Variants in ARHGAP15 observed in about 807,000 individuals in gnomAD.
ARHGAP15 encodes Rho GTPase activating protein 15.
ARHGAP15 carries 51 observed loss-of-function variants against 63.7 expected under a neutral mutation model. The ratio of observed to expected loss-of-function variants is 0.80; its 90% CI spans 0.64 to 1.01. The LOEUF is 1.01. Ranked by LOEUF, ARHGAP15 falls within the 50% of genes least tolerant of loss-of-function variation. ARHGAP15 has a pLI of 0.00. For missense variants in ARHGAP15, 560 were observed against 564.6 expected (o/e 0.99, Z 0.08); for synonymous variants, 191 against 193.8 (o/e 0.99, Z 0.12).
chr2:143,336,745 G>C (rs1684789982), intron 6 of ARHGAP15, among the ~76,000 whole-genome samples: 1 of 152,148 alleles, frequency 6.6e-6, no homozygotes, highest in Non-Finnish European at 1.5e-5. Context: ...TCTTAATAGT[G>C]AGAAGTCATA....
intron 5 of ARHGAP15, among the ~76,000 whole-genome samples, chr2:143,239,998 A>AAAAAC (rs1693801755): frequency 7.0e-6 from 1 of 143,872 alleles, no homozygotes; most frequent in African/African-American, 2.6e-5. Context: ...CTCAAAAAAA[A>AAAAAC]AAAAAAAAAA....
chr2:143,336,025 G>A (rs866425034), intron 6 of ARHGAP15, among the ~76,000 whole-genome samples: 3 of 151,666 alleles, frequency 2.0e-5, no homozygotes, highest in Non-Finnish European at 2.9e-5. Flanking sequence ...TTTGAGACAC[G>A]GTTCTCACCA....
chr2:143,284,164 A>G (rs1681984521), intron 6 of ARHGAP15, among the ~76,000 whole-genome samples: 1 of 152,192 alleles, frequency 6.6e-6, no homozygotes, highest in African/African-American at 2.4e-5. Flanking sequence ...CTTTGGGCCA[A>G]GGCACAAGAA....
At chr2:143,350,705 G>C (rs1008055574) in intron 6 of ARHGAP15, among the ~76,000 whole-genome samples, 10 of 149,962 alleles carry the variant, frequency 6.7e-5, no homozygotes, top group Middle Eastern at 3.4e-3. Flanking sequence ...CAGGCGTGGT[G>C]GTGGGCATCT....
chr2:143,602,777 A>G (rs960312198), intron 11 of ARHGAP15, among the ~76,000 whole-genome samples: 6 of 152,176 alleles, frequency 3.9e-5, no homozygotes, highest in African/African-American at 1.4e-4. Context: ...TTAAGTATTA[A>G]TACATAAATT....
chr2:143,556,356 A>G, intron 10 of ARHGAP15, 52 bp from the exon 11 acceptor site: 5 of 1,366,834 alleles, frequency 3.7e-6, no homozygotes, highest in Admixed American at 2.1e-5. Context: ...TTTTTTTTAA[A>G]CCATCTCAAT....
chr2:143,744,367 C>A (rs373726361), intron 13 of ARHGAP15, among the ~76,000 whole-genome samples: 1 of 152,154 alleles, frequency 6.6e-6, no homozygotes, highest in East Asian at 1.9e-4. Flanking sequence ...GGATGACTAC[C>A]GCTACTTGGC....
intron 4 of ARHGAP15, among the ~76,000 whole-genome samples, chr2:143,228,363 T>C (rs1344862497): frequency 1.3e-5 from 2 of 152,088 alleles, no homozygotes; most frequent in African/African-American, 4.8e-5. Flanking sequence ...AATTAAGAAA[T>C]TCTTACTATA....
intron 11 of ARHGAP15, among the ~76,000 whole-genome samples, chr2:143,557,187 C>T (rs1285501841): frequency 6.6e-6 from 1 of 152,120 alleles, no homozygotes; most frequent in East Asian, 1.9e-4. Flanking sequence ...AAAACCTATA[C>T]ACAAATATTT....
intron 6 of ARHGAP15, among the ~76,000 whole-genome samples, chr2:143,261,238 A>T (rs184376432): frequency 6.7e-6 from 1 of 148,408 alleles, no homozygotes; most frequent in Non-Finnish European, 1.5e-5. Flanking sequence ...TAATTGCTGG[A>T]TGTTACATTT....
chr2:143,602,326 T>C (rs1187840057), intron 11 of ARHGAP15, among the ~76,000 whole-genome samples: 1 of 152,108 alleles, frequency 6.6e-6, no homozygotes, highest in African/African-American at 2.4e-5. Flanking sequence ...AGAAGAAAAG[T>C]GGAGATTCAT....
At chr2:143,174,572 C>T (rs908772332) in intron 2 of ARHGAP15, among the ~76,000 whole-genome samples, 2 of 152,104 alleles carry the variant, frequency 1.3e-5, no homozygotes, top group African/African-American at 4.8e-5. Context: ...TATAAAGCAT[C>T]TGTGTGCCTA....
At chr2:143,180,858 A>C (rs1488928602) in intron 2 of ARHGAP15, among the ~76,000 whole-genome samples, 1 of 152,044 alleles carries the variant, frequency 6.6e-6, no homozygotes, top group East Asian at 1.9e-4. Flanking sequence ...TATTTTTAGT[A>C]GAGACGGGGT....
chr2:143,346,220 T>TCTCACACACACACTCTCTCTCA (rs201454435), intron 6 of ARHGAP15, among the ~76,000 whole-genome samples: 1 of 124,926 alleles, frequency 8.0e-6, no homozygotes, highest in Non-Finnish European at 1.6e-5. Context: ...ACACTCTCTC[T>TCTCACACACACACTCTCTCTCA]CACACACACT....
At chr2:143,706,662 T>C (rs1684341689) in intron 13 of ARHGAP15, 1 of 152,188 alleles carries the variant, frequency 6.6e-6, no homozygotes, top group African/African-American at 2.4e-5. Context: ...GGTTGCACAA[T>C]GGCTGCACAG....
At chr2:143,473,823 T>G (rs1691690591) in intron 8 of ARHGAP15, among the ~76,000 whole-genome samples, 1 of 152,192 alleles carries the variant, frequency 6.6e-6, no homozygotes, top group Non-Finnish European at 1.5e-5. Context: ...CCTCCAGTCT[T>G]AAATCATCAC....
chr2:143,161,688 G>A (rs1481362862), intron 2 of ARHGAP15, among the ~76,000 whole-genome samples: 1 of 151,902 alleles, frequency 6.6e-6, no homozygotes, highest in Non-Finnish European at 1.5e-5. Flanking sequence ...ATATGAGGGG[G>A]AAATGAACTA....
intron 13 of ARHGAP15, among the ~76,000 whole-genome samples, chr2:143,705,725 T>C (rs1469995945): frequency 6.6e-6 from 1 of 151,970 alleles, no homozygotes; most frequent in African/African-American, 2.4e-5. Flanking sequence ...TCCCAATTAT[T>C]CCCTTTTTTT....
intron 2 of ARHGAP15, among the ~76,000 whole-genome samples, chr2:143,187,444 G>A (rs1258750259): frequency 6.6e-6 from 1 of 152,174 alleles, no homozygotes; most frequent in Admixed American, 6.5e-5. Flanking sequence ...GAATGCAGGG[G>A]TTCCTTCGAT....
Sources: gnomAD v4.1 joint callset for allele counts (sites outside exome capture counted in the v4.1 genomes callset) on GRCh38, gnomAD v4.1.1 for gene constraint, MANE v1.5 for transcripts, NCBI Gene and HGNC (gene_info 2026-07-23, HGNC 2026-07-21) for gene names.